The following SPARC variants were observed in gnomAD, a reference collection of about 807,000 sequenced individuals.
SPARC encodes the protein basement-membrane protein 40.
SPARC carries 23 observed loss-of-function variants against 37.7 expected under a neutral mutation model. That is an observed-to-expected ratio of 0.61 (90% confidence interval 0.44 to 0.87). The LOEUF is 0.87. SPARC is among the 40% of genes least tolerant of loss of function. SPARC has a pLI of 0.00. For synonymous variants in SPARC, 155 were observed against 150.8 expected (o/e 1.03, Z -0.20); for missense variants, 312 against 389.0 (o/e 0.80, Z 1.66).
intron 9 of SPARC, 31 bp from the exon 10 acceptor site, chr5:151,663,630 A>C: frequency 6.2e-7 from 1 of 1,613,230 alleles, no homozygotes; most frequent in Non-Finnish European, 8.5e-7. Flanking sequence ...ACGGTTAAAA[A>C]TAAGGCTGTG....
intron 8 of SPARC, among the ~76,000 whole-genome samples, chr5:151,665,802 C>G (rs1369681092): frequency 6.6e-6 from 1 of 152,230 alleles, no homozygotes; most frequent in Non-Finnish European, 1.5e-5. Context: ...TGCTAACTGG[C>G]CAGCTGCCTG....
Position 151,676,068 on chromosome 5 carries a change from G to C in SPARC, c.57+64C>G, listed in dbSNP as rs181489851. ...CCCTTTCAGCATCCAGGGCTGGCAG[G>C]CTCAGAACCCCTGGTGCTAGCGGTA... On this transcript the variant is annotated intron_variant, in intron 2 of 9. Transcript: ENST00000231061. The C allele has an allele frequency of 4.0e-4, 550 of 1,384,972 alleles. 8 individuals carry two copies. The Admixed American group carries it at 0.01, about 26-fold the overall frequency. 85.8% of individuals were successfully genotyped at this position (1,384,972 alleles called of 1,614,324 possible). A position where few individuals can be genotyped will look rare whatever the true frequency, so the allele number is the denominator to read the frequency against.
chr5:151,683,319 C>A (rs553316444), intron 1 of SPARC, among the ~76,000 whole-genome samples: 5 of 152,212 alleles, frequency 3.3e-5, no homozygotes, highest in Admixed American at 6.5e-5. Context: ...GGCCAGCCAA[C>A]GGGAGAGACA....
At chr5:151,685,933 C>T (rs1057000971) in intron 1 of SPARC, 18 of 152,272 alleles carry the variant, frequency 1.2e-4, no homozygotes, top group African/African-American at 4.1e-4. Flanking sequence ...GTTCACGGAG[C>T]CAGTGGCGGC....
chr5:151,666,216 A>C (rs1350114186), intron 8 of SPARC, 145 bp downstream of exon 8: 2 of 725,016 alleles, frequency 2.8e-6, no homozygotes, highest in South Asian at 2.5e-5. Flanking sequence ...TCTTTTCTCC[A>C]GATGCCTCAT....
intron 1 of SPARC, among the ~76,000 whole-genome samples, chr5:151,684,123 C>A (rs1219691418): frequency 6.6e-6 from 1 of 152,206 alleles, no homozygotes; most frequent in Non-Finnish European, 1.5e-5. Flanking sequence ...ATTGACAAAT[C>A]TCTACAGATG....
intron 2 of SPARC, 142 bp from the exon 3 acceptor site, chr5:151,674,816 G>C (rs2113103477): frequency 1.4e-6 from 1 of 718,544 alleles, no homozygotes; most frequent in East Asian, 2.6e-5. Flanking sequence ...CTCATGGACT[G>C]CCATGGTGAG....
At chr5:151,663,991 A>G (rs1760568784) in intron 9 of SPARC, 96 bp downstream of exon 9, 1 of 1,449,676 alleles carries the variant, frequency 6.9e-7, no homozygotes, top group South Asian at 1.2e-5. Flanking sequence ...CAGACAACAG[A>G]CAGACCAAGA....
chr5:151,666,637 A>T, intron 7 of SPARC, 128 bp from the exon 8 acceptor site: 1 of 767,700 alleles, frequency 1.3e-6, no homozygotes, highest in Non-Finnish European at 2.1e-6. Context: ...CAGCGAGGGG[A>T]GGGAGGTGTC....
chr5:151,670,855 T>C (rs1300871520), intron 5 of SPARC, among the ~76,000 whole-genome samples: 2 of 152,036 alleles, frequency 1.3e-5, no homozygotes, highest in African/African-American at 2.4e-5. Flanking sequence ...GATATTAAAA[T>C]GTGGAGCCCA....
At chr5:151,670,101 G>A (rs1382579785) in intron 5 of SPARC, among the ~76,000 whole-genome samples, 1 of 152,226 alleles carries the variant, frequency 6.6e-6, no homozygotes, top group East Asian at 1.9e-4. Context: ...AGAGAAACAA[G>A]AGTGTTCAAA....
chr5:151,663,642 C>A, intron 9 of SPARC, 43 bp from the exon 10 acceptor site: 1 of 1,606,424 alleles, frequency 6.2e-7, no homozygotes, highest in Non-Finnish European at 8.5e-7. Context: ...AAGGCTGTGT[C>A]GATGATAACG....
intron 1 of SPARC, among the ~76,000 whole-genome samples, 198 bp from the exon 2 acceptor site, chr5:151,676,399 G>A (rs1426451369): frequency 6.6e-6 from 1 of 152,224 alleles, no homozygotes; most frequent in African/African-American, 2.4e-5. Flanking sequence ...GTGCCAAGAT[G>A]TCTTAAACAC....
intron 8 of SPARC, among the ~76,000 whole-genome samples, chr5:151,665,425 G>A (rs1760599887): frequency 6.6e-6 from 1 of 152,198 alleles, no homozygotes; most frequent in Admixed American, 6.5e-5. Context: ...CCAGCCCTCA[G>A]GATCACTGGC....
Position 151,664,174 on chromosome 5 carries a change from TGC to T in SPARC, c.794_795del (p.Cys265TyrfsTer9). 1 of 1,614,050 alleles carries T rather than the reference TGC, an allele frequency of 6.2e-7. No individual in the cohort carries two copies. The highest frequency in any genetic ancestry group is 1.1e-5 in the South Asian group (1 of 91,074). On this transcript the variant is annotated frameshift_variant, in exon 9 of 10. Transcript: ENST00000231061. LOFTEE classifies it high-confidence loss of function. Reference protein sequence around the residue: ...LRAPLIPMEHCTTRFFETCDL... With the variant: ...LRAPLIPMEHXTTRFFETCDL... ...TCACAGGTCTCGAAAAAGCGGGTGG[TGC>T]AATGCTCCATGGGGATGAGGGGAGC... is the stretch of plus-strand genomic sequence containing the variant.
In SPARC at chr5:151,674,659, G is replaced by T. The variant is rs756848347; in HGVS notation, c.73C>A (p.Pro25Thr). 16 of 1,614,132 alleles carry T rather than the reference G, an allele frequency of 9.9e-6. No individual in the cohort carries two copies. Among genetic ancestry groups the T allele is most frequent in the Middle Eastern group, 1.6e-4 (1 of 6,062 alleles). ...TCTTCCACCACCTCTGTCTCATCAG[G>T]CAGGGCTTCTTGCTGCTGTTGGAAA... is the stretch of plus-strand genomic sequence containing the variant. ...ALAAPQQEALPDETEVVEETV... is the reference protein window; with the variant it reads ...ALAAPQQEALTDETEVVEETV... The change falls in exon 3 of 10, where the codon CCT (proline) becomes ACT (threonine). Residue 25 changes from proline (P) to threonine (T), a missense_variant. Pro to Thr is a conservative substitution (Grantham distance 38, BLOSUM62 -1). Coordinates refer to ENST00000231061, the MANE Select transcript of SPARC (RefSeq NM_003118.4).
chr5:151,673,252 C>T, intron 3 of SPARC, 36 bp from the exon 4 acceptor site: 1 of 1,405,976 alleles, frequency 7.1e-7, no homozygotes, highest in African/African-American at 1.4e-5. Flanking sequence ...GAAATGGCCC[C>T]ACTCCCATCC....
chr5:151,684,565 G>T (rs74676282), intron 1 of SPARC, among the ~76,000 whole-genome samples: 3,870 of 132,792 alleles, frequency 0.029, 71 homozygotes, highest in Middle Eastern at 0.058. Flanking sequence ...TCTAGTAAAG[G>T]AAAGTTCTAT....
Position 151,666,517 on chromosome 5 carries a change from A to G in SPARC, c.586-8T>C. On this transcript the variant is annotated splice_polypyrimidine_tract_variant and splice_region_variant and intron_variant, in intron 7 of 9. Coordinates refer to ENST00000231061, the MANE Select transcript of SPARC (RefSeq NM_003118.4). ...CTCATGGATCTTCTTCACCTGAGGG[A>G]GTAGAGACTGTGTGTGACAAGAGGT... The G allele has an allele frequency of 6.2e-7, 1 of 1,612,942 alleles. No homozygotes were observed. The highest frequency in any genetic ancestry group is 1.1e-5 in the South Asian group (1 of 90,834).
Sources: allele counts gnomAD v4.1 joint callset (sites outside exome capture counted in the v4.1 genomes callset), GRCh38; gene constraint gnomAD v4.1.1; transcripts MANE v1.5; gene names NCBI Gene and HGNC (gene_info 2026-07-23, HGNC 2026-07-21).